Variants in SDK1 observed in about 807,000 individuals in gnomAD.
SDK1 encodes the protein protein sidekick-1.
Under a neutral mutation model 245.5 loss-of-function variants are expected in SDK1, and 157 were observed. The ratio of observed to expected loss-of-function variants is 0.64; its 90% CI spans 0.56 to 0.73. The LOEUF (loss-of-function observed/expected upper bound fraction) is 0.73. Ranked by LOEUF, SDK1 falls within the 30% of genes least tolerant of loss-of-function variation. SDK1 has a pLI of 0.00. For synonymous variants in SDK1, 1,647 were observed against 1,278.5 expected, an observed-to-expected ratio of 1.29 and a Z score of -6.15; for missense variants, 3,583 against 3,002.3, an observed-to-expected ratio of 1.19 and a Z score of -4.52.
chr7:3,844,494 G>A (rs956939165), intron 5 of SDK1, among the ~76,000 whole-genome samples: 1 of 152,198 alleles, frequency 6.6e-6, no homozygotes, highest in South Asian at 2.1e-4. Flanking sequence ...CTGGCTCCCA[G>A]GGAACTGTCG....
At chr7:3,751,769 T>C (rs1779779647) in intron 4 of SDK1, among the ~76,000 whole-genome samples, 1 of 152,204 alleles carries the variant, frequency 6.6e-6, no homozygotes, top group Non-Finnish European at 1.5e-5. Context: ...TCACCTTGCC[T>C]GGTGATTGAC....
chr7:3,461,695 A>C (rs962751775), intron 1 of SDK1, among the ~76,000 whole-genome samples: 2 of 152,150 alleles, frequency 1.3e-5, no homozygotes, highest in African/African-American at 4.8e-5. Context: ...AACAGATGAC[A>C]TCACCTTATA....
At chr7:4,231,547 T>C (rs1291563572) in intron 40 of SDK1, among the ~76,000 whole-genome samples, 1 of 146,162 alleles carries the variant, frequency 6.8e-6, no homozygotes, top group Non-Finnish European at 1.5e-5. Flanking sequence ...CACTCCAGCC[T>C]GTGTGGACAG....
chr7:3,840,718 G>C (rs989925306), intron 5 of SDK1, among the ~76,000 whole-genome samples: 1 of 152,228 alleles, frequency 6.6e-6, no homozygotes, highest in Non-Finnish European at 1.5e-5. Context: ...CAGAGTTCTC[G>C]AGTTGTGCTA....
chr7:3,738,671 A>G (rs1029076700), intron 4 of SDK1, among the ~76,000 whole-genome samples: 7 of 152,060 alleles, frequency 4.6e-5, no homozygotes, highest in African/African-American at 1.2e-4. Flanking sequence ...GTGAAATGGG[A>G]TGTCTTTCCA....
chr7:3,424,093 G>T (rs919532971), intron 1 of SDK1, among the ~76,000 whole-genome samples: 2 of 152,034 alleles, frequency 1.3e-5, no homozygotes, highest in Non-Finnish European at 2.9e-5. Context: ...TGTATTTTTA[G>T]TAGAGATGGG....
Position 3,333,612 on chromosome 7 carries a change from C to T in SDK1, c.298+31728C>T, listed in dbSNP as rs182214941. 2.8e-4 allele frequency among the ~76,000 whole-genome samples: 42 copies of T among 152,222 alleles called. 1 individual carries two copies. The highest frequency in any genetic ancestry group is 1.3e-4 in the Admixed American group (2 of 15,280). On this transcript the variant is annotated intron_variant, in intron 1 of 44. Transcript: ENST00000404826. ...ACTGGCTTGTCTGTTTTGTAATCTG[C>T]CCTACCATGCATACCCCTAACCTAG...
At chr7:4,251,093 CT>C (rs1441941227) in intron 44 of SDK1, among the ~76,000 whole-genome samples, 1 of 152,164 alleles carries the variant, frequency 6.6e-6, no homozygotes, top group Non-Finnish European at 1.5e-5. Context: ...ATCAGGGTCA[CT>C]GATATATGTT....
At chr7:4,138,898 C>T (rs1377019251) in intron 28 of SDK1, among the ~76,000 whole-genome samples, 1 of 152,232 alleles carries the variant, frequency 6.6e-6, no homozygotes, top group Non-Finnish European at 1.5e-5. Context: ...TACCATCACC[C>T]CAGCTTCCAG....
chr7:3,985,145 TG>T (rs147495385), intron 13 of SDK1, among the ~76,000 whole-genome samples: 4,391 of 152,318 alleles, frequency 0.029, 196 homozygotes, highest in African/African-American at 0.098. Context: ...GGAAGGATCT[TG>T]GGGCCCACCA....
At chr7:3,624,561 A>G (rs1014253992) in intron 2 of SDK1, among the ~76,000 whole-genome samples, 6 of 152,270 alleles carry the variant, frequency 3.9e-5, no homozygotes, top group African/African-American at 1.4e-4. Context: ...AAGTTTTTCT[A>G]AAGCTCATCT....
At chr7:3,386,734 A>G (rs1781618614) in intron 1 of SDK1, among the ~76,000 whole-genome samples, 1 of 152,180 alleles carries the variant, frequency 6.6e-6, no homozygotes, top group Admixed American at 6.5e-5. Flanking sequence ...GGCAGCCTCC[A>G]GTGAGTCCCG....
intron 1 of SDK1, among the ~76,000 whole-genome samples, chr7:3,539,483 G>C (rs1425049466): frequency 6.6e-6 from 1 of 152,164 alleles, no homozygotes; most frequent in South Asian, 2.1e-4. Flanking sequence ...GGAAGTTTTA[G>C]GCTAGAACAG....
At position 3,716,318 on chromosome 7, in the gene SDK1, A is replaced by G. The variant is rs144633790; in HGVS notation, c.713+74213A>G. Among the ~76,000 whole-genome samples, 167 of 152,328 alleles carry G rather than the reference A, an allele frequency of 1.1e-3. 1 individual carries two copies. The highest frequency in any genetic ancestry group is 3.7e-3 in the African/African-American group (153 of 41,580). ...GATTCAAGAAGCTGAATGAATCACA[A>G]TAGACCCTAAGAAATCAATTTGAAG... is the stretch of plus-strand genomic sequence containing the variant. On this transcript the variant is annotated intron_variant, in intron 4 of 44. Coordinates refer to ENST00000404826, the MANE Select transcript of SDK1 (RefSeq NM_152744.4).
chr7:4,268,855 T>A lies in SDK1; in HGVS notation c.*3471T>A. 5 of 759,264 alleles carry A rather than the reference T, an allele frequency of 6.6e-6. No homozygotes were observed. The highest frequency in any genetic ancestry group is 1.0e-5 in the Non-Finnish European group (5 of 484,478). The allele number at this position is 759,264 out of a possible 1,614,324, so 47.0% of individuals were successfully genotyped here. ...CGTCACCTTCTGGTTTAGGGAGCCGTCAGGTCCCTAAACGTTCCCTACAAC... is the reference window on the plus strand; with the variant it reads ...CGTCACCTTCTGGTTTAGGGAGCCGACAGGTCCCTAAACGTTCCCTACAAC... On this transcript the variant is annotated 3_prime_UTR_variant, in exon 45 of 45. Transcript: ENST00000404826.
chr7:4,256,994 G>A (rs925371278), intron 44 of SDK1, among the ~76,000 whole-genome samples: 4 of 152,194 alleles, frequency 2.6e-5, no homozygotes, highest in African/African-American at 4.8e-5. Context: ...GTCACACGAC[G>A]CATGCTGTGG....
chr7:3,551,209 C>T lies in SDK1; in HGVS notation c.299-67871C>T, dbSNP rs1411130705. 2.0e-5 allele frequency among the ~76,000 whole-genome samples: 3 copies of T among 152,142 alleles called. No homozygotes were observed. In the East Asian group the frequency reaches 5.8e-4, roughly 29 times the overall value. The stretch of plus-strand genomic sequence containing the variant: ...GGGTGGGGGGCCCAACATCACACAT[C>T]TGTGTTTGTAATGTAGTATTTATTA... On this transcript the variant is annotated intron_variant, in intron 1 of 44. Coordinates refer to ENST00000404826, the MANE Select transcript of SDK1 (RefSeq NM_152744.4).
rs189391456 is a variant in SDK1 at position 3,497,874 on chromosome 7, A to G, written c.299-121206A>G. Among the ~76,000 whole-genome samples, 371 of 152,286 alleles carry G rather than the reference A, an allele frequency of 2.4e-3. 3 individuals carry two copies. The highest frequency in any genetic ancestry group is 0.018 in the South Asian group (87 of 4,830). Reference sequence around the variant, plus strand: ...CCCTCACTGCACATCTTAATCCCTGATGGACTTTTCTCAGCTATGTGGGCT... The same window carrying G: ...CCCTCACTGCACATCTTAATCCCTGGTGGACTTTTCTCAGCTATGTGGGCT... On this transcript the variant is annotated intron_variant, in intron 1 of 44. Transcript: ENST00000404826.
intron 4 of SDK1, among the ~76,000 whole-genome samples, chr7:3,818,187 T>C (rs1385926401): frequency 2.0e-5 from 3 of 152,216 alleles, no homozygotes; most frequent in African/African-American, 7.2e-5. Context: ...GTAATTTTAT[T>C]TAAAGCCACA....
Sources: gnomAD v4.1 joint callset for allele counts (sites outside exome capture counted in the v4.1 genomes callset) on GRCh38, gnomAD v4.1.1 for gene constraint, MANE v1.5 for transcripts, NCBI Gene and HGNC (gene_info 2026-07-23, HGNC 2026-07-21) for gene names.